Variants in ADGRB3 observed in about 807,000 individuals in gnomAD.
The protein encoded by ADGRB3 is brain-specific angiogenesis inhibitor 3.
Under a neutral mutation model 193.4 loss-of-function variants are expected in ADGRB3, and 37 were observed. The ratio of observed to expected loss-of-function variants is 0.19; its 90% confidence interval spans 0.15 to 0.25. The LOEUF (loss-of-function observed/expected upper bound fraction) is 0.25, where lower values mean the gene tolerates loss of function less well. Ranked by LOEUF, ADGRB3 falls within the 10% of genes least tolerant of loss-of-function variation. The pLI, the probability that ADGRB3 is intolerant of heterozygous loss-of-function variation, is 1.00. For missense variants in ADGRB3, 1,637 were observed against 1,852.9 expected (o/e 0.88, Z 2.14); for synonymous variants, 690 against 644.2 (o/e 1.07, Z -1.08).
At position 69,039,001 on chromosome 6, in the gene ADGRB3, C is replaced by T. The variant is rs763781201; in HGVS notation, c.2108-9184C>T. On this transcript the variant is annotated intron_variant, in intron 13 of 31. Transcript: ENST00000370598. ...GAAATTTCATGCCATCTCACTCTAT[C>T]CTGCCCCAAATGTGAATCATCCCTT... is the stretch of plus-strand genomic sequence containing the variant. Among the ~76,000 whole-genome samples the T allele has an allele frequency of 3.3e-5, 5 of 152,256 alleles. No homozygotes were observed. In the East Asian group the frequency reaches 9.7e-4, roughly 29 times the overall value.
chr6:68,810,876 A>C (rs9294811), intron 3 of ADGRB3, among the ~76,000 whole-genome samples: 109,268 of 151,796 alleles, frequency 0.72, 39,734 homozygotes, highest in Middle Eastern at 0.89. Flanking sequence ...AGGATTTGGT[A>C]AAAATAAAAA....
At chr6:68,640,390 T>A (rs932831219) in intron 3 of ADGRB3, among the ~76,000 whole-genome samples, 1 of 152,242 alleles carries the variant, frequency 6.6e-6, no homozygotes, top group African/African-American at 2.4e-5. Context: ...ATTGTGATTA[T>A]GTTTAATAAT....
At chr6:69,268,350 C>T (rs1341625996) in intron 20 of ADGRB3, among the ~76,000 whole-genome samples, 3 of 152,100 alleles carry the variant, frequency 2.0e-5, no homozygotes, top group East Asian at 1.9e-4. Context: ...TGAGCTAAGT[C>T]CCCTCAAAGA....
chr6:69,148,062 T>G (rs1430461922), intron 17 of ADGRB3, among the ~76,000 whole-genome samples: 1 of 152,176 alleles, frequency 6.6e-6, no homozygotes, highest in Non-Finnish European at 1.5e-5. Context: ...AAAAGATCAC[T>G]GGGTCTTGTT....
chr6:68,949,789 C>T (rs74767984), intron 6 of ADGRB3, among the ~76,000 whole-genome samples: 2,273 of 152,094 alleles, frequency 0.015, 56 homozygotes, highest in African/African-American at 0.05. Flanking sequence ...AGTGCTTTTT[C>T]AGTTCTTAGC....
intron 11 of ADGRB3, among the ~76,000 whole-genome samples, chr6:69,000,213 T>C (rs1489502355): frequency 2.0e-5 from 3 of 152,094 alleles, no homozygotes; most frequent in African/African-American, 7.3e-5. Context: ...AAAGAAGGGA[T>C]AATAGTCAAT....
At chr6:69,157,147 C>G (rs149627989) in intron 17 of ADGRB3, among the ~76,000 whole-genome samples, 6 of 152,078 alleles carry the variant, frequency 3.9e-5, no homozygotes. Context: ...CCCATCTGTA[C>G]GTAGAGATGA....
chr6:69,286,562 C>T (rs1228560028), intron 20 of ADGRB3, among the ~76,000 whole-genome samples: 2 of 152,148 alleles, frequency 1.3e-5, no homozygotes, highest in African/African-American at 2.4e-5. Context: ...GCAGTACATC[C>T]ACAGGTCCAG....
chr6:69,303,377 C>T (rs1489261372), intron 20 of ADGRB3, among the ~76,000 whole-genome samples: 1 of 151,836 alleles, frequency 6.6e-6, no homozygotes, highest in African/African-American at 2.4e-5. Context: ...TCCACCTCGT[C>T]TGCCTCTTCC....
chr6:68,936,384 T>G, intron 4 of ADGRB3, 135 bp from the exon 5 acceptor site: 1 of 953,086 alleles, frequency 1.0e-6, no homozygotes. Context: ...TGAAATGTTT[T>G]CATGTACCTT....
chr6:68,787,185 A>G (rs1435685023), intron 3 of ADGRB3, among the ~76,000 whole-genome samples: 3 of 152,052 alleles, frequency 2.0e-5, no homozygotes, highest in Non-Finnish European at 4.4e-5. Flanking sequence ...AACTTCCAAC[A>G]CTATGTTGAA....
chr6:68,954,283 G>T (rs187719989), intron 6 of ADGRB3, among the ~76,000 whole-genome samples: 1 of 152,036 alleles, frequency 6.6e-6, no homozygotes, highest in East Asian at 1.9e-4. Context: ...TTGAGGTTAG[G>T]ATTTATATTC....
chr6:68,841,457 T>G (rs1768157612), intron 3 of ADGRB3, among the ~76,000 whole-genome samples: 1 of 152,082 alleles, frequency 6.6e-6, no homozygotes, highest in Non-Finnish European at 1.5e-5. Context: ...CAAGAGGAAT[T>G]TTTCAAACTA....
intron 3 of ADGRB3, among the ~76,000 whole-genome samples, chr6:68,813,273 G>T (rs773762474): frequency 6.6e-6 from 1 of 152,098 alleles, no homozygotes; most frequent in Non-Finnish European, 1.5e-5. Context: ...CAGCCATTTG[G>T]AACTGTAAGT....
intron 3 of ADGRB3, among the ~76,000 whole-genome samples, chr6:68,825,615 T>C (rs1767828315): frequency 6.6e-6 from 1 of 152,138 alleles, no homozygotes. Context: ...ATAATCCCTA[T>C]GTGTCAAGGG....
At chr6:69,384,896 T>A (rs1045298284) in intron 31 of ADGRB3, among the ~76,000 whole-genome samples, 1 of 151,964 alleles carries the variant, frequency 6.6e-6, no homozygotes, top group Admixed American at 6.6e-5. Flanking sequence ...TAATGAAAAA[T>A]TGCATAATTG....
intron 30 of ADGRB3, 40 bp from the exon 31 acceptor site, chr6:69,382,791 A>C: frequency 7.1e-7 from 1 of 1,400,108 alleles, no homozygotes; most frequent in Non-Finnish European, 9.9e-7. Flanking sequence ...AAAAACATAC[A>C]TCAAGTTGGG....
intron 20 of ADGRB3, among the ~76,000 whole-genome samples, chr6:69,307,031 T>A (rs1200860832): frequency 1.3e-5 from 2 of 151,452 alleles, no homozygotes; most frequent in Non-Finnish European, 2.9e-5. Flanking sequence ...CTCTGTGTTT[T>A]GTGCCCAATA....
At chr6:69,031,637 C>CT (rs1465094155) in intron 13 of ADGRB3, among the ~76,000 whole-genome samples, 1 of 137,626 alleles carries the variant, frequency 7.3e-6, no homozygotes, top group Non-Finnish European at 1.6e-5. Flanking sequence ...TCCTTTCTTT[C>CT]TTTTTTTATT....
Sources: gnomAD v4.1 joint callset for allele counts (sites outside exome capture counted in the v4.1 genomes callset) on GRCh38, gnomAD v4.1.1 for gene constraint, MANE v1.5 for transcripts, NCBI Gene and HGNC (gene_info 2026-07-23, HGNC 2026-07-21) for gene names.